POFUT3: variants seen among roughly 807,000 people sequenced by gnomAD.
POFUT3 encodes the protein GDP-fucose protein O-fucosyltransferase 3.
the POFUT3 span, among the ~76,000 whole-genome samples, chr8:33,437,601 AG>A: frequency 1.9e-3 from 295 of 152,260 alleles, no homozygotes; most frequent in Middle Eastern, 3.4e-3. Context: ...ACTTGAGGTC[AG>A]GAGTTTGAGA....
the POFUT3 span, among the ~76,000 whole-genome samples, chr8:33,396,261 T>G: frequency 6.6e-6 from 1 of 152,212 alleles, no homozygotes; most frequent in South Asian, 2.1e-4. Flanking sequence ...CTGCAGTTAT[T>G]CATTCTGTAT....
chr8:33,354,217 G>A, the POFUT3 span, among the ~76,000 whole-genome samples: 8 of 152,136 alleles, frequency 5.3e-5, no homozygotes, highest in Non-Finnish European at 1.0e-4. Context: ...AAACAGAACC[G>A]ATAGGAGATT....
chr8:33,379,793 A>G, the POFUT3 span, among the ~76,000 whole-genome samples: 1 of 142,740 alleles, frequency 7.0e-6, no homozygotes, highest in Non-Finnish European at 1.5e-5. Context: ...CTGAGATCAT[A>G]CCACTGCACT....
At chr8:33,460,683 C>A in the POFUT3 span, 6 of 973,246 alleles carry the variant, frequency 6.2e-6, no homozygotes, top group Non-Finnish European at 7.3e-6. Context: ...TTCTCTACAA[C>A]CAGGAGCTTA....
At chr8:33,380,215 C>CTA in the POFUT3 span, among the ~76,000 whole-genome samples, 11 of 35,596 alleles carry the variant, frequency 3.1e-4, 2 homozygotes, top group African/African-American at 7.5e-4. Context: ...TATATATATA[C>CTA]TATATATATA....
chr8:33,319,881 C>G, the POFUT3 span, among the ~76,000 whole-genome samples: 4 of 146,794 alleles, frequency 2.7e-5, no homozygotes, highest in Non-Finnish European at 5.9e-5. Context: ...GAAGGTATAG[C>G]TAGCTGCACC....
At chr8:33,311,106 A>G in the POFUT3 span, among the ~76,000 whole-genome samples, 3 of 152,208 alleles carry the variant, frequency 2.0e-5, no homozygotes, top group Middle Eastern at 3.2e-3. Context: ...TTCTTTGCAG[A>G]AACCTCAAGC....
chr8:33,380,085 T>TATAC, the POFUT3 span, among the ~76,000 whole-genome samples: 2 of 68,872 alleles, frequency 2.9e-5, no homozygotes, highest in East Asian at 5.2e-4. Context: ...ACACTATATA[T>TATAC]ACTATATATA....
the POFUT3 span, among the ~76,000 whole-genome samples, chr8:33,444,933 C>CTTTTTTTT: frequency 4.9e-5 from 6 of 121,640 alleles, no homozygotes; most frequent in Non-Finnish European, 9.7e-5. Context: ...TGACCTTCAT[C>CTTTTTTTT]TTTTTTTTTT....
the POFUT3 span, among the ~76,000 whole-genome samples, chr8:33,401,029 G>T: frequency 6.6e-6 from 1 of 152,124 alleles, no homozygotes; most frequent in Non-Finnish European, 1.5e-5. Flanking sequence ...CGCCCAAGCT[G>T]GAGTACAGTG....
At chr8:33,453,121 G>T in the POFUT3 span, 1 of 1,239,196 alleles carries the variant, frequency 8.1e-7, no homozygotes. Context: ...GTGTTTTCAA[G>T]GGGAGCTCCA....
At chr8:33,429,319 C>T in the POFUT3 span, among the ~76,000 whole-genome samples, 4 of 152,148 alleles carry the variant, frequency 2.6e-5, no homozygotes, top group South Asian at 8.3e-4. Flanking sequence ...ACATGCCTCA[C>T]ATCACCCCTC....
chr8:33,368,786 T>C, the POFUT3 span, among the ~76,000 whole-genome samples: 16 of 152,340 alleles, frequency 1.1e-4, no homozygotes, highest in South Asian at 4.1e-4. Flanking sequence ...TTATGTGGTT[T>C]GCAAAGCTAC....
chr8:33,379,766 G>A, the POFUT3 span, among the ~76,000 whole-genome samples: 1 of 147,060 alleles, frequency 6.8e-6, no homozygotes, highest in African/African-American at 2.5e-5. Context: ...ACTCCAAAAG[G>A]CAGAGGTTGC....
At chr8:33,320,465 A>C in the POFUT3 span, among the ~76,000 whole-genome samples, 2 of 152,102 alleles carry the variant, frequency 1.3e-5, no homozygotes, top group African/African-American at 4.8e-5. Flanking sequence ...CTTCCAAATC[A>C]AACACTATTT....
At chr8:33,441,378 C>CTTTTTTT in the POFUT3 span, among the ~76,000 whole-genome samples, 4 of 114,046 alleles carry the variant, frequency 3.5e-5, no homozygotes, top group South Asian at 2.9e-4. Context: ...TTTTTCCTGC[C>CTTTTTTT]TTTTTTTTTT....
the POFUT3 span, among the ~76,000 whole-genome samples, chr8:33,418,482 T>C: frequency 6.6e-6 from 1 of 151,286 alleles, no homozygotes; most frequent in Non-Finnish European, 1.5e-5. Context: ...TTTGTATTTT[T>C]AGTAGAGACA....
At chr8:33,376,793 G>A in the POFUT3 span, among the ~76,000 whole-genome samples, 1 of 152,184 alleles carries the variant, frequency 6.6e-6, no homozygotes, top group African/African-American at 2.4e-5. Flanking sequence ...GATAGAGACT[G>A]GATTTGAAGC....
chr8:33,351,455 G>A, the POFUT3 span, among the ~76,000 whole-genome samples: 2 of 152,002 alleles, frequency 1.3e-5, no homozygotes, highest in African/African-American at 4.8e-5. Context: ...GGGGCAGGGG[G>A]TGTGAGTGAG....
Sources: gnomAD v4.1 joint callset for allele counts (sites outside exome capture counted in the v4.1 genomes callset) on GRCh38, gnomAD v4.1.1 for gene constraint, MANE v1.5 for transcripts, NCBI Gene and HGNC (gene_info 2026-07-23, HGNC 2026-07-21) for gene names.